The following PARVA variants were observed in gnomAD, a reference collection of about 807,000 sequenced individuals.
The protein encoded by PARVA is parvin alpha, also known as alpha-parvin.
In PARVA, 25 loss-of-function variants were observed where a neutral mutation model predicts 52.6. That is an observed-to-expected ratio of 0.48 (90% CI 0.35 to 0.66). The LOEUF (loss-of-function observed/expected upper bound fraction) is 0.66. Among genes scored for constraint, PARVA ranks in the 30% least tolerant of loss-of-function variants. The probability of loss-of-function intolerance (pLI) is 0.01; values close to 1 mark genes in which losing one functional copy is unlikely to be tolerated. For missense variants in PARVA, 373 were observed against 450.9 expected (o/e 0.83, Z 1.56); for synonymous variants, 185 against 179.1 (o/e 1.03, Z -0.26).
At chr11:12,478,706 G>A (rs985950739) in intron 4 of PARVA, 2 of 153,688 alleles carry the variant, frequency 1.3e-5, no homozygotes, top group Non-Finnish European at 2.9e-5. Context: ...ATGTATACAG[G>A]GATCAGCAAG....
chr11:12,452,016 A>C (rs916237262), intron 1 of PARVA, among the ~76,000 whole-genome samples: 5 of 151,916 alleles, frequency 3.3e-5, no homozygotes, highest in African/African-American at 1.2e-4. Context: ...TCCTTTTCCA[A>C]AAGGGTGAAG....
chr11:12,377,928 G>C (rs550314584), intron 1 of PARVA, 145 bp downstream of exon 1: 4,129 of 283,510 alleles, frequency 0.015, 37 homozygotes, highest in South Asian at 0.022. Context: ...CGCGCTTCCC[G>C]GGTACGTCGG....
intron 1 of PARVA, among the ~76,000 whole-genome samples, chr11:12,444,400 C>CA (rs1273458310): frequency 6.6e-6 from 1 of 152,090 alleles, no homozygotes; most frequent in Admixed American, 6.6e-5. Flanking sequence ...ATGACTGAAC[C>CA]AATCCTTATG....
intron 1 of PARVA, among the ~76,000 whole-genome samples, chr11:12,456,585 T>G (rs1161729528): frequency 6.6e-6 from 1 of 152,048 alleles, no homozygotes; most frequent in Non-Finnish European, 1.5e-5. Context: ...GGCCCTGACT[T>G]AACTCTCTAA....
chr11:12,449,330 G>GTA (rs1940592861), intron 1 of PARVA, among the ~76,000 whole-genome samples: 1 of 151,910 alleles, frequency 6.6e-6, no homozygotes, highest in African/African-American at 2.4e-5. Context: ...GCTAATTTTT[G>GTA]TATTTTTGTA....
chr11:12,507,576 C>A (rs953855476), intron 6 of PARVA, among the ~76,000 whole-genome samples: 3 of 152,114 alleles, frequency 2.0e-5, no homozygotes, highest in African/African-American at 7.2e-5. Context: ...GCCATTCCTC[C>A]CATTGAAATA....
intron 1 of PARVA, among the ~76,000 whole-genome samples, chr11:12,449,109 T>C (rs1400348549): frequency 2.6e-5 from 4 of 152,166 alleles, no homozygotes; most frequent in African/African-American, 9.6e-5. Flanking sequence ...AAGATTTTTA[T>C]GTTTACCAAA....
intron 1 of PARVA, among the ~76,000 whole-genome samples, chr11:12,439,544 C>G (rs1475242237): frequency 6.6e-6 from 1 of 152,174 alleles, no homozygotes; most frequent in Non-Finnish European, 1.5e-5. Context: ...ATGATGGCAC[C>G]CAGAGGCCCA....
chr11:12,493,503 CATA>C (rs1476465213), intron 4 of PARVA, among the ~76,000 whole-genome samples: 17 of 151,290 alleles, frequency 1.1e-4, no homozygotes, highest in African/African-American at 3.9e-4. Context: ...AAACCCAAAG[CATA>C]ATGACTAAAA....
At chr11:12,391,516 T>C (rs936027533) in intron 1 of PARVA, among the ~76,000 whole-genome samples, 5 of 152,220 alleles carry the variant, frequency 3.3e-5, no homozygotes, top group African/African-American at 1.2e-4. Context: ...ACAACACCCC[T>C]GCTTGTATCT....
intron 4 of PARVA, among the ~76,000 whole-genome samples, chr11:12,488,050 C>G (rs549074947): frequency 6.6e-6 from 1 of 152,048 alleles, no homozygotes; most frequent in Non-Finnish European, 1.5e-5. Flanking sequence ...TATCAAATAA[C>G]ATTTGATACA....
intron 1 of PARVA, among the ~76,000 whole-genome samples, chr11:12,426,732 T>C (rs563342725): frequency 6.6e-6 from 1 of 152,042 alleles, no homozygotes; most frequent in Non-Finnish European, 1.5e-5. Flanking sequence ...GTCTTGTGCC[T>C]CCAGAGCCTA....
intron 1 of PARVA, among the ~76,000 whole-genome samples, chr11:12,438,191 C>T (rs561947711): frequency 5.8e-4 from 86 of 148,886 alleles, no homozygotes; most frequent in Admixed American, 2.4e-3. Context: ...ACCTGGGAGG[C>T]GGAGCTTACA....
chr11:12,432,927 C>T (rs915886142), intron 1 of PARVA, among the ~76,000 whole-genome samples: 2 of 152,122 alleles, frequency 1.3e-5, no homozygotes, highest in African/African-American at 2.4e-5. Context: ...AGGGCTCTGT[C>T]GTAGCCGTGG....
At chr11:12,399,847 G>A (rs1342175914) in intron 1 of PARVA, among the ~76,000 whole-genome samples, 3 of 152,120 alleles carry the variant, frequency 2.0e-5, no homozygotes, top group Non-Finnish European at 4.4e-5. Flanking sequence ...CATTGTTGGA[G>A]CTTAGGTATG....
At chr11:12,487,766 A>T (rs1235754382) in intron 4 of PARVA, among the ~76,000 whole-genome samples, 1 of 152,266 alleles carries the variant, frequency 6.6e-6, no homozygotes, top group African/African-American at 2.4e-5. Context: ...GAAGCTCTCT[A>T]AAATGTCTTA....
At chr11:12,523,434 C>A (rs1941663624) in intron 12 of PARVA, among the ~76,000 whole-genome samples, 3 of 152,188 alleles carry the variant, frequency 2.0e-5, no homozygotes, top group Admixed American at 1.3e-4. Flanking sequence ...GGGCCTTCAG[C>A]AGTGCCTTGG....
chr11:12,493,343 G>A (rs1589979144), intron 4 of PARVA, among the ~76,000 whole-genome samples: 2 of 111,258 alleles, frequency 1.8e-5, no homozygotes, highest in Non-Finnish European at 3.6e-5. Flanking sequence ...GCAACATAAT[G>A]AGACTCCATC....
At chr11:12,522,063 G>A (rs1941643863) in intron 12 of PARVA, among the ~76,000 whole-genome samples, 1 of 152,168 alleles carries the variant, frequency 6.6e-6, no homozygotes, top group Admixed American at 6.5e-5. Context: ...ATTTACTACA[G>A]CAGTAATAGG....
Sources: gnomAD v4.1 joint callset for allele counts (sites outside exome capture counted in the v4.1 genomes callset) on GRCh38, gnomAD v4.1.1 for gene constraint, MANE v1.5 for transcripts, NCBI Gene and HGNC (gene_info 2026-07-23, HGNC 2026-07-21) for gene names.